Variants in PRKAA1 observed in about 807,000 individuals in gnomAD.
The protein encoded by PRKAA1 is 5'-AMP-activated protein kinase catalytic subunit alpha-1.
A neutral mutation model predicts 56.9 loss-of-function variants in PRKAA1; 23 were observed. The observed-to-expected ratio is 0.40, with a 90% CI of 0.29 to 0.57. PRKAA1 has a LOEUF of 0.57. Among genes scored for constraint, PRKAA1 ranks in the 20% least tolerant of loss-of-function variants. The pLI is 0.39. For synonymous variants in PRKAA1, 226 were observed against 227.0 expected (o/e 1.00, Z 0.04); for missense variants, 413 against 679.7 (o/e 0.61, Z 4.36).
In PRKAA1 at chr5:40,772,502, CAACA is replaced by C. The variant is rs369406673; in HGVS notation, c.364-643_364-640del. On this transcript the variant is annotated intron_variant, in intron 3 of 8. Coordinates refer to ENST00000397128, the MANE Select transcript of PRKAA1 (RefSeq NM_006251.6). Reference sequence around the variant, plus strand: ...TGTCCTAAAATAGAAGACATTTTAACAACAAACACCTTAATTCATTTAATAAAAT... The same window carrying C: ...TGTCCTAAAATAGAAGACATTTTAACAACACCTTAATTCATTTAATAAAAT... 6.5e-3 allele frequency among the ~76,000 whole-genome samples: 993 copies of C among 152,008 alleles called. 14 individuals carry two copies. Among genetic ancestry groups the C allele is most frequent in the African/African-American group, 0.021 (888 of 41,454 alleles).
Position 40,760,939 on chromosome 5 carries a change from C to T in PRKAA1, c.*1839G>A, listed in dbSNP as rs1263849803. On this transcript the variant is annotated 3_prime_UTR_variant, in exon 9 of 9. Coordinates refer to ENST00000397128, the MANE Select transcript of PRKAA1 (RefSeq NM_006251.6). ...TAACATAAGGCAAATATAAATGATA[C>T]AATATTATCATACACGATACCAATT... 1 of 152,004 alleles carries T rather than the reference C, an allele frequency of 6.6e-6. No homozygotes were observed. The highest frequency in any genetic ancestry group is 1.5e-5 in the Non-Finnish European group (1 of 67,940). The allele number at this position is 152,004 out of a possible 1,614,324, so 9.4% of individuals were successfully genotyped here.
At chr5:40,767,396 CTTT>C (rs900284432) in intron 6 of PRKAA1, 67 bp downstream of exon 6, 11 of 1,038,728 alleles carry the variant, frequency 1.1e-5, no homozygotes, top group Non-Finnish European at 2.7e-6. Context: ...TGTTCTGCAA[CTTT>C]TTTTTTTTCA....
At position 40,760,255 on chromosome 5, in the gene PRKAA1, T is replaced by C. The variant is rs962627224; in HGVS notation, c.*2523A>G. The C allele has an allele frequency of 2.6e-5, 4 of 152,756 alleles. No homozygotes were observed. Among genetic ancestry groups the C allele is most frequent in the Non-Finnish European group, 5.9e-5 (4 of 68,026 alleles). The allele number at this position is 152,756 out of a possible 1,614,324, so 9.5% of individuals were successfully genotyped here. ...AAATATCCTAGCTTAAAAAAGAATT[T>C]ACTGCAATTGTCTGTGCATTTATCA... On this transcript the variant is annotated 3_prime_UTR_variant, in exon 9 of 9. Transcript: ENST00000397128.
rs1474740549 is a variant in PRKAA1, at chr5:40,767,466, C to T, written c.821G>A (p.Arg274Lys). 3 of 1,604,322 alleles carry T rather than the reference C, an allele frequency of 1.9e-6. No individual in the cohort carries two copies. Among genetic ancestry groups the T allele is most frequent in the Non-Finnish European group, 2.6e-6 (3 of 1,171,830 alleles). Residue 274 changes from arginine to lysine, a missense_variant and splice_region_variant, in exon 6 of 9, where the codon AGG (arginine) becomes AAG (lysine). Physicochemically the swap from Arg to Lys is conservative, Grantham distance 26 (BLOSUM62 2). Transcript: ENST00000397128. ...PMKRATIKDIREHEWFKQDLP... is the reference protein window; with the variant it reads ...PMKRATIKDIKEHEWFKQDLP... The stretch of plus-strand genomic sequence containing the variant: ...GATAACTTCCAAACTGCTTTATTAC[C>T]TGATATCTTTGATTGTGGCCCTCTT...
chr5:40,763,080 T>C lies in PRKAA1; in HGVS notation c.1436-58A>G. On this transcript the variant is annotated intron_variant, in intron 8 of 8. Coordinates refer to ENST00000397128, the MANE Select transcript of PRKAA1 (RefSeq NM_006251.6). Reference sequence around the variant, plus strand: ...TATGACCTTCTCCCAAAAATTTTTGTAACAGTATTGAATTTGCTTCTTTAA... The same window carrying C: ...TATGACCTTCTCCCAAAAATTTTTGCAACAGTATTGAATTTGCTTCTTTAA... 9 of 1,575,088 alleles carry C rather than the reference T, an allele frequency of 5.7e-6. No homozygotes were observed. In the Middle Eastern group the frequency reaches 1.0e-3, roughly 179 times the overall value.
intron 1 of PRKAA1, among the ~76,000 whole-genome samples, chr5:40,793,139 T>C (rs1314715904): frequency 6.6e-6 from 1 of 152,046 alleles, no homozygotes; most frequent in Non-Finnish European, 1.5e-5. Context: ...AAATAACTCA[T>C]TTGCCGAAGA....
intron 6 of PRKAA1, among the ~76,000 whole-genome samples, chr5:40,766,065 T>C (rs1743419053): frequency 6.6e-6 from 1 of 152,230 alleles, no homozygotes. Flanking sequence ...TCATGTATTA[T>C]ATTTTAATTG....
intron 3 of PRKAA1, among the ~76,000 whole-genome samples, chr5:40,774,549 A>ACTTTTTTTTT (rs1554031839): frequency 2.4e-5 from 3 of 125,084 alleles, no homozygotes; most frequent in Non-Finnish European, 3.4e-5. Flanking sequence ...TCCAGGCAGA[A>ACTTTTTTTTT]TTTTTTTTTT....
chr5:40,797,846 G>A (rs1168330518), intron 1 of PRKAA1, among the ~76,000 whole-genome samples: 1 of 152,084 alleles, frequency 6.6e-6, no homozygotes, highest in East Asian at 1.9e-4. Context: ...CGTCGCCATG[G>A]CGACTGGCCC....
Position 40,775,464 on chromosome 5 carries a change from C to T in PRKAA1, c.309G>A (p.Val103=), listed in dbSNP as rs1743957703. 2 of 1,608,788 alleles carry T rather than the reference C, an allele frequency of 1.2e-6. No homozygotes were observed. Among genetic ancestry groups the T allele is most frequent in the Non-Finnish European group, 1.7e-6 (2 of 1,175,182 alleles). The part of the protein sequence containing the change: ...VISTPSDIFM[V]MEYVSGGELF... ...GCTCTCCTCCTGAGACATATTCCAT[C>T]ACCATGAAAATATCAGATGGTGTAC... The change falls in exon 3 of 9, where the codon GTG becomes GTA. Residue 103 remains valine (V), a synonymous_variant. Transcript: ENST00000397128.
chr5:40,768,625 T>C, intron 5 of PRKAA1: 3 of 1,116,656 alleles, frequency 2.7e-6, no homozygotes, highest in Non-Finnish European at 3.3e-6. Context: ...CTTTGAGCAG[T>C]CTAGGCCAAC....
At chr5:40,785,724 T>C (rs1253704040) in intron 1 of PRKAA1, among the ~76,000 whole-genome samples, 1 of 152,100 alleles carries the variant, frequency 6.6e-6, no homozygotes, top group Admixed American at 6.6e-5. Context: ...AAATAGGATC[T>C]TTTCAGACGT....
chr5:40,762,941 C>T lies in PRKAA1; in HGVS notation c.1517G>A (p.Ser506Asn). ...TCCTTGAGCCTCAGCATCTGAATCA[C>T]TCCTTTGGCAAGATCGATAGTTGCT... ...SVSNYRSCQR[S>N]DSDAEAQGKS... is the part of the protein sequence containing the mutation. Residue 506 changes from serine (S) to asparagine (N), a missense_variant, in exon 9 of 9, where the codon AGT becomes AAT. Ser to Asn is a conservative substitution (Grantham distance 46). Coordinates refer to ENST00000397128, the MANE Select transcript of PRKAA1 (RefSeq NM_006251.6). 1 of 1,614,182 alleles carries T rather than the reference C, an allele frequency of 6.2e-7. No homozygotes were observed. Among genetic ancestry groups the T allele is most frequent in the South Asian group, 1.1e-5 (1 of 91,086 alleles).
chr5:40,778,449 C>G (rs1482709310), intron 1 of PRKAA1, among the ~76,000 whole-genome samples: 2 of 152,136 alleles, frequency 1.3e-5, no homozygotes, highest in South Asian at 4.1e-4. Context: ...AGCTAGAAGA[C>G]TAAAGGAAGA....
chr5:40,795,036 A>ACAC (rs1554033959), intron 1 of PRKAA1, among the ~76,000 whole-genome samples: 1 of 104,872 alleles, frequency 9.5e-6, no homozygotes, highest in Non-Finnish European at 2.2e-5. Context: ...CACACACACA[A>ACAC]AATGGAATAC....
Position 40,773,460 on chromosome 5 carries a change from T to C in PRKAA1, c.364-1597A>G, listed in dbSNP as rs570585431. ...GAAGGTTAGAAAAGTCAAAATACAT[T>C]TCCAATTAAATGTAACAGATTAAAT... On this transcript the variant is annotated intron_variant, in intron 3 of 8. Transcript: ENST00000397128. Among the ~76,000 whole-genome samples the C allele has an allele frequency of 2.4e-4, 36 of 152,276 alleles. No individual in the cohort carries two copies. The South Asian group carries it at 2.5e-3, about 11-fold the overall frequency.
chr5:40,788,377 AT>A (rs1018868047), intron 1 of PRKAA1, among the ~76,000 whole-genome samples: 71 of 152,328 alleles, frequency 4.7e-4, no homozygotes, highest in African/African-American at 1.6e-3. Flanking sequence ...CTTAAAATGG[AT>A]TAAATTTAGG....
chr5:40,796,034 T>C (rs1744912661), intron 1 of PRKAA1, among the ~76,000 whole-genome samples: 1 of 152,160 alleles, frequency 6.6e-6, no homozygotes, highest in South Asian at 2.1e-4. Flanking sequence ...AAAACAGACC[T>C]GGCCGGGCAC....
chr5:40,766,103 A>C (rs1156322431), intron 6 of PRKAA1, among the ~76,000 whole-genome samples: 1 of 152,236 alleles, frequency 6.6e-6, no homozygotes, highest in Non-Finnish European at 1.5e-5. Context: ...TACAAACAAA[A>C]ACATTTCTTA....
Sources: allele counts gnomAD v4.1 joint callset (sites outside exome capture counted in the v4.1 genomes callset), GRCh38; gene constraint gnomAD v4.1.1; transcripts MANE v1.5; gene names NCBI Gene and HGNC (gene_info 2026-07-23, HGNC 2026-07-21).